The following CUL3 variants were observed in gnomAD, a reference collection of about 807,000 sequenced individuals.
The protein encoded by CUL3 is cullin 3.
Under a neutral mutation model 89.1 loss-of-function variants are expected in CUL3, and 19 were observed. That is an observed-to-expected ratio of 0.21 (90% confidence interval 0.15 to 0.31). The LOEUF is 0.31. CUL3 is among the 10% of genes least tolerant of loss of function. The probability of loss-of-function intolerance (pLI) is 1.00; values close to 1 mark genes in which losing one functional copy is unlikely to be tolerated. For missense variants in CUL3, 469 were observed against 942.3 expected, an observed-to-expected ratio of 0.50 and a Z score of 6.58; for synonymous variants, 351 against 308.4, an observed-to-expected ratio of 1.14 and a Z score of -1.45.
At chr2:224,545,609 C>G (rs1199228738) in intron 2 of CUL3, among the ~76,000 whole-genome samples, 2 of 152,108 alleles carry the variant, frequency 1.3e-5, no homozygotes, top group African/African-American at 2.4e-5. Context: ...AAAGTATTTC[C>G]CCAGACTGAC....
At chr2:224,475,379 C>CG (rs1385659078) in intron 15 of CUL3, among the ~76,000 whole-genome samples, 2 of 152,104 alleles carry the variant, frequency 1.3e-5, no homozygotes, top group African/African-American at 4.8e-5. Context: ...AAAATAAAGC[C>CG]GGAGAAGAAA....
At chr2:224,527,738 C>G (rs1247340969) in intron 3 of CUL3, among the ~76,000 whole-genome samples, 1 of 152,196 alleles carries the variant, frequency 6.6e-6, no homozygotes, top group South Asian at 2.1e-4. Context: ...GTTTCTCATT[C>G]TCACTAGATC....
chr2:224,506,233 C>T, intron 7 of CUL3, 101 bp from the exon 8 acceptor site: 1 of 707,978 alleles, frequency 1.4e-6, no homozygotes, highest in South Asian at 3.1e-5. Context: ...TGGTAATAAA[C>T]ATGTATATTC....
intron 3 of CUL3, among the ~76,000 whole-genome samples, chr2:224,515,114 C>T (rs1221897345): frequency 6.6e-6 from 1 of 152,104 alleles, no homozygotes. Flanking sequence ...AAACATGGTT[C>T]GTTCTTAAAT....
intron 1 of CUL3, among the ~76,000 whole-genome samples, chr2:224,569,432 A>G (rs1695127212): frequency 6.6e-6 from 1 of 152,200 alleles, no homozygotes; most frequent in South Asian, 2.1e-4. Context: ...GGATTCTTAA[A>G]TGTTTATAGT....
At chr2:224,482,413 T>C (rs560148641) in intron 13 of CUL3, among the ~76,000 whole-genome samples, 8 of 152,238 alleles carry the variant, frequency 5.3e-5, no homozygotes, top group African/African-American at 1.9e-4. Flanking sequence ...CAACATATAA[T>C]TGCTAATTTT....
chr2:224,556,250 A>G (rs1433870960), intron 2 of CUL3: 6 of 152,156 alleles, frequency 3.9e-5, no homozygotes, highest in African/African-American at 1.2e-4. Context: ...GTGTCAAAAT[A>G]TATCTGAACA....
intron 2 of CUL3, among the ~76,000 whole-genome samples, chr2:224,551,055 G>T (rs1379590448): frequency 6.6e-6 from 1 of 151,042 alleles, no homozygotes; most frequent in Non-Finnish European, 1.5e-5. Context: ...AAGTGGCAAA[G>T]AATAGCCTCC....
chr2:224,508,474 C>T (rs1031911288), intron 6 of CUL3, among the ~76,000 whole-genome samples: 2 of 152,124 alleles, frequency 1.3e-5, no homozygotes, highest in African/African-American at 4.8e-5. Flanking sequence ...CAAAATGGTT[C>T]ACAACTTGTC....
rs1695548439 is a variant in CUL3 at position 224,585,059 on chromosome 2, C to A, written c.-50G>T. Reference sequence around the variant, plus strand: ...GGCTTCAGGTCGCGCTCCGCGACGCCGGTGTCACATTTAAGGCGGGCAGGC... The same window carrying A: ...GGCTTCAGGTCGCGCTCCGCGACGCAGGTGTCACATTTAAGGCGGGCAGGC... On this transcript the variant is annotated 5_prime_UTR_variant, in exon 1 of 16. Transcript: ENST00000264414. 7.0e-7 allele frequency: 1 copy of A among 1,421,454 alleles called. No individual in the cohort carries two copies. The highest frequency in any genetic ancestry group is 1.5e-5 in the African/African-American group (1 of 66,492). The allele number at this position is 1,421,454 out of a possible 1,614,324, so 88.1% of individuals were successfully genotyped here. A position where few individuals can be genotyped will look rare whatever the true frequency, so the allele number is the denominator to read the frequency against.
intron 6 of CUL3, among the ~76,000 whole-genome samples, chr2:224,509,718 T>C (rs897353764): frequency 6.6e-6 from 1 of 152,260 alleles, no homozygotes; most frequent in Non-Finnish European, 1.5e-5. Context: ...AATTCAGGTA[T>C]GCCCAACAAC....
At chr2:224,535,112 A>G (rs1693838147) in intron 3 of CUL3, among the ~76,000 whole-genome samples, 1 of 152,150 alleles carries the variant, frequency 6.6e-6, no homozygotes, top group Non-Finnish European at 1.5e-5. Flanking sequence ...AGTACTGTTC[A>G]TTTAAAAAAC....
intron 1 of CUL3, chr2:224,563,255 T>C (rs1559229739): frequency 2.1e-6 from 1 of 471,174 alleles, no homozygotes. Context: ...GTATACTACT[T>C]TTCCAGAGCC....
intron 3 of CUL3, among the ~76,000 whole-genome samples, chr2:224,521,993 A>G (rs1033082074): frequency 1.3e-5 from 2 of 152,054 alleles, no homozygotes; most frequent in Non-Finnish European, 2.9e-5. Flanking sequence ...GGTTAAAAAA[A>G]TCTTTATAAA....
intron 3 of CUL3, among the ~76,000 whole-genome samples, chr2:224,525,002 TTAA>T (rs1338966386): frequency 1.4e-5 from 2 of 142,462 alleles, no homozygotes; most frequent in Non-Finnish European, 3.1e-5. Flanking sequence ...AATACACTTA[TTAA>T]TCTAAAGAAA....
chr2:224,518,633 T>C (rs1233638724), intron 3 of CUL3, among the ~76,000 whole-genome samples: 1 of 152,234 alleles, frequency 6.6e-6, no homozygotes, highest in Non-Finnish European at 1.5e-5. Flanking sequence ...ATCCTGGCTC[T>C]ACTGTTAACT....
In CUL3 at chr2:224,485,358, G is replaced by C. The variant is rs1317947277; in HGVS notation, c.1843-3280C>G. 6.6e-6 allele frequency: 1 copy of C among 152,326 alleles called. No homozygotes were observed. Among genetic ancestry groups the C allele is most frequent in the Non-Finnish European group, 1.5e-5 (1 of 68,170 alleles). 9.4% of individuals were successfully genotyped at this position (152,326 alleles called of 1,614,324 possible). A position where few individuals can be genotyped will look rare whatever the true frequency, so the allele number is the denominator to read the frequency against. ...CACCCCGACAGATCCCAGCAAGCAA[G>C]CTAAGATCCACTGGGTTGAAATTCT... On this transcript the variant is annotated intron_variant, in intron 13 of 15. Coordinates refer to ENST00000264414, the MANE Select transcript of CUL3 (RefSeq NM_003590.5). This position sits in a 1 kb window ranked among gnomAD's most constrained non-coding sequence, Gnocchi z 4.1.
intron 14 of CUL3, chr2:224,479,769 T>C (rs570813824): frequency 3.9e-5 from 6 of 152,274 alleles, no homozygotes; most frequent in South Asian, 2.1e-4. Flanking sequence ...CACAGCCATA[T>C]TGATATTCAT....
In CUL3 at chr2:224,478,491, G is replaced by A. The variant is rs3768896; in HGVS notation, c.2030-146C>T. The A allele has an allele frequency of 0.16, 97,261 of 603,892 alleles. 9,080 individuals are homozygous for A. The highest frequency in any genetic ancestry group is 0.29 in the East Asian group (10,095 of 35,194). 37.4% of individuals were successfully genotyped at this position (603,892 alleles called of 1,614,324 possible). A position where few individuals can be genotyped will look rare whatever the true frequency, so the allele number is the denominator to read the frequency against. ...ACTTATTAATTCAAGTACGCATTCAGAAACTGTCTTAATGTTTACTTGAAT... is the reference window on the plus strand; with the variant it reads ...ACTTATTAATTCAAGTACGCATTCAAAAACTGTCTTAATGTTTACTTGAAT... On this transcript the variant is annotated intron_variant, in intron 14 of 15. Transcript: ENST00000264414.
Sources: gnomAD v4.1 joint callset for allele counts (sites outside exome capture counted in the v4.1 genomes callset) on GRCh38, gnomAD v4.1.1 for gene constraint, Gnocchi (gnomAD v3.1) non-coding constraint, MANE v1.5 for transcripts, NCBI Gene and HGNC (gene_info 2026-07-23, HGNC 2026-07-21) for gene names.